Variants in TRAP1 observed in about 807,000 individuals in gnomAD.
The protein encoded by TRAP1 is TNF receptor associated protein 1.
In TRAP1, 102 loss-of-function variants were observed where a neutral mutation model predicts 89.1. The ratio of observed to expected loss-of-function variants is 1.15; its 90% CI spans 0.98 to 1.35. TRAP1 has a LOEUF of 1.35. TRAP1 is among the 40% of genes most tolerant of loss of function. The pLI, the probability that TRAP1 is intolerant of heterozygous loss-of-function variation, is 0.00. For missense variants in TRAP1, 1,256 were observed against 945.3 expected, an observed-to-expected ratio of 1.33 and a Z score of -4.31; for synonymous variants, 508 against 388.0, an observed-to-expected ratio of 1.31 and a Z score of -3.64.
chr16:3,671,362 A>G (rs759893795), intron 11 of TRAP1, among the ~76,000 whole-genome samples: 1 of 152,242 alleles, frequency 6.6e-6, no homozygotes, highest in Non-Finnish European at 1.5e-5. Flanking sequence ...GGGAAGTGAT[A>G]GCTACTGATG....
chr16:3,706,331 T>C (rs142406029), intron 1 of TRAP1, among the ~76,000 whole-genome samples: 2,474 of 152,030 alleles, frequency 0.016, 22 homozygotes, highest in Middle Eastern at 0.027. Context: ...GTGCAGTGGC[T>C]GTTTACAGGC....
chr16:3,690,669 C>T (rs1390010433), intron 2 of TRAP1, among the ~76,000 whole-genome samples, 158 bp downstream of exon 2: 1 of 152,216 alleles, frequency 6.6e-6, no homozygotes, highest in African/African-American at 2.4e-5. Flanking sequence ...CTCGCTGGGA[C>T]AGAAATGGAG....
chr16:3,705,861 A>G (rs553648860), intron 1 of TRAP1, among the ~76,000 whole-genome samples: 52 of 151,142 alleles, frequency 3.4e-4, no homozygotes, highest in South Asian at 1.5e-3. Context: ...ATATATATAT[A>G]TATTTTTTTT....
At chr16:3,692,979 A>G (rs2051236895) in intron 1 of TRAP1, among the ~76,000 whole-genome samples, 1 of 146,216 alleles carries the variant, frequency 6.8e-6, no homozygotes, top group South Asian at 2.2e-4. Flanking sequence ...TTTTTTTGAG[A>G]TGGAGTCTCG....
chr16:3,690,683 G>A (rs2051201708), intron 2 of TRAP1, 144 bp downstream of exon 2: 1 of 868,752 alleles, frequency 1.2e-6, no homozygotes, highest in Non-Finnish European at 1.6e-6. Context: ...AATGGAGGGC[G>A]CAGCACTCCC....
Position 3,664,270 on chromosome 16 carries a change from C to T in TRAP1, c.1569+4G>A, listed in dbSNP as rs749142527. The T allele has an allele frequency of 5.1e-6, 8 of 1,580,108 alleles. No homozygotes were observed. Among genetic ancestry groups the T allele is most frequent in the Admixed American group, 3.8e-5 (2 of 52,050 alleles). On this transcript the variant is annotated splice_donor_region_variant and intron_variant, in intron 13 of 17. Transcript: ENST00000246957. Reference sequence around the variant, plus strand: ...GGAGCCCGCCCCACCCACCGCTCACCCACCTCTGTGTCTTTCTTCTTCATG... The same window carrying T: ...GGAGCCCGCCCCACCCACCGCTCACTCACCTCTGTGTCTTTCTTCTTCATG...
intron 3 of TRAP1, chr16:3,687,317 T>C (rs2151266904): frequency 6.6e-6 from 1 of 152,356 alleles, no homozygotes; most frequent in South Asian, 2.1e-4. Flanking sequence ...CCTTCCACCA[T>C]GACTGTGAGA....
chr16:3,674,426 C>T lies in TRAP1; in HGVS notation c.957G>A (p.Ala319=), dbSNP rs747215207. ...TGTAGCGGGGCTTGTCGTGAGCCTG[C>T]GCGACGTAGCGGTAGAACTCCTCAT... ...WQHEEFYRYV[A]QAHDKPRYTL... Residue 319 remains alanine, a synonymous_variant, in exon 9 of 18, where the codon GCG becomes GCA. Transcript: ENST00000246957. 52 of 1,613,926 alleles carry T rather than the reference C, an allele frequency of 3.2e-5. No homozygotes were observed. The highest frequency in any genetic ancestry group is 3.1e-4 in the East Asian group (14 of 44,892).
At chr16:3,686,607 G>A (rs950424863) in intron 3 of TRAP1, among the ~76,000 whole-genome samples, 1 of 152,158 alleles carries the variant, frequency 6.6e-6, no homozygotes, top group Non-Finnish European at 1.5e-5. Context: ...GTGAGCCACG[G>A]TGCCTGGCCC....
chr16:3,681,746 G>GA (rs1596722521), intron 4 of TRAP1, among the ~76,000 whole-genome samples: 2 of 151,878 alleles, frequency 1.3e-5, no homozygotes, highest in Admixed American at 6.6e-5. Context: ...CAAGGTAAAG[G>GA]AAAAAATGCA....
At chr16:3,714,036 C>A (rs1377395231) in intron 1 of TRAP1, among the ~76,000 whole-genome samples, 1 of 152,244 alleles carries the variant, frequency 6.6e-6, no homozygotes, top group Non-Finnish European at 1.5e-5. Flanking sequence ...TCAGAGCTAT[C>A]TCCTTACCCT....
chr16:3,691,389 T>A (rs976054545), intron 1 of TRAP1, among the ~76,000 whole-genome samples: 1 of 152,068 alleles, frequency 6.6e-6, no homozygotes, highest in African/African-American at 2.4e-5. Context: ...CATAATTTTT[T>A]AAAAAATTTT....
At chr16:3,703,113 T>C (rs60049641) in intron 1 of TRAP1, among the ~76,000 whole-genome samples, 2,665 of 142,974 alleles carry the variant, frequency 0.019, 128 homozygotes, top group African/African-American at 0.066. Context: ...CCGGACGTCC[T>C]ATATACAGAA....
At position 3,679,777 on chromosome 16, in the gene TRAP1, C is replaced by G; in HGVS notation, c.485G>C (p.Gly162Ala). Residue 162 changes from glycine (G) to alanine (A), a missense_variant, in exon 5 of 18, where the codon GGG becomes GCG. By Grantham distance (60) the Gly-to-Ala change is moderately conservative. Transcript: ENST00000246957. ...GGACACCAGCTCTTCCTGTGTCATCCCGATACCAGTATCCTGAGGAGAGAG... is the reference window on the plus strand; with the variant it reads ...GGACACCAGCTCTTCCTGTGTCATCGCGATACCAGTATCCTGAGGAGAGAG... Reference protein sequence around the residue: ...GTITIQDTGIGMTQEELVSNL... With the variant: ...GTITIQDTGIAMTQEELVSNL... The G allele has an allele frequency of 6.2e-7, 1 of 1,614,098 alleles. No homozygotes were observed. The highest frequency in any genetic ancestry group is 2.2e-5 in the East Asian group (1 of 44,888).
chr16:3,672,062 GCA>G (rs1369457534), intron 10 of TRAP1, among the ~76,000 whole-genome samples: 2 of 152,230 alleles, frequency 1.3e-5, no homozygotes, highest in Admixed American at 1.3e-4. Flanking sequence ...CTCTGGCTGG[GCA>G]CAGTGTCTGA....
chr16:3,660,860 G>GT (rs2043033645), intron 16 of TRAP1: 1 of 152,126 alleles, frequency 6.6e-6, no homozygotes, highest in Non-Finnish European at 1.5e-5. Context: ...GGAGGTAGAA[G>GT]TTGCAGTGAG....
In TRAP1 at chr16:3,690,884, C is replaced by A. The variant is rs368129763; in HGVS notation, c.190G>T (p.Ala64Ser). 5.0e-6 allele frequency: 8 copies of A among 1,586,416 alleles called. No individual in the cohort carries two copies. The African/African-American group carries it at 6.8e-5, about 14-fold the overall frequency. ...TGCAGGGGTTCCTCCTTGTCCTCGGCGGTCTGCGTGCTGAACAGTCGTCCT... is the reference window on the plus strand; with the variant it reads ...TGCAGGGGTTCCTCCTTGTCCTCGGAGGTCTGCGTGCTGAACAGTCGTCCT... ...QAGRLFSTQT[A>S]EDKEEPLHSI... Residue 64 changes from alanine (A) to serine (S), a missense_variant, in exon 2 of 18, where the codon GCC becomes TCC. Transcript: ENST00000246957.
intron 1 of TRAP1, among the ~76,000 whole-genome samples, chr16:3,691,654 TGACA>T (rs1225526362): frequency 1.3e-5 from 2 of 151,982 alleles, no homozygotes; most frequent in Admixed American, 1.3e-4. Context: ...TCTTTGCTCT[TGACA>T]GTCAAGCAAA....
intron 13 of TRAP1, 58 bp from the exon 14 acceptor site, chr16:3,663,620 G>A (rs1031858332): frequency 2.5e-6 from 4 of 1,605,796 alleles, no homozygotes; most frequent in African/African-American, 1.3e-5. Flanking sequence ...CACCACAGAA[G>A]AAAGGATGAG....
Sources: allele counts gnomAD v4.1 joint callset (sites outside exome capture counted in the v4.1 genomes callset), GRCh38; gene constraint gnomAD v4.1.1; transcripts MANE v1.5; gene names NCBI Gene and HGNC (gene_info 2026-07-23, HGNC 2026-07-21).